SDK1: variants seen among roughly 807,000 people sequenced by gnomAD.
The protein encoded by SDK1 is protein sidekick-1.
A neutral mutation model predicts 245.5 loss-of-function variants in SDK1; 157 were observed. That is an observed-to-expected ratio of 0.64 (90% CI 0.56 to 0.73). The LOEUF (loss-of-function observed/expected upper bound fraction) is 0.73, where lower values mean the gene tolerates loss of function less well. Among genes scored for constraint, SDK1 ranks in the 30% least tolerant of loss-of-function variants. The pLI is 0.00. For missense variants in SDK1, 3,583 were observed against 3,002.3 expected (o/e 1.19, Z -4.52); for synonymous variants, 1,647 against 1,278.5 (o/e 1.29, Z -6.15).
At chr7:3,548,172 C>A (rs1779289071) in intron 1 of SDK1, among the ~76,000 whole-genome samples, 1 of 152,098 alleles carries the variant, frequency 6.6e-6, no homozygotes, top group Non-Finnish European at 1.5e-5. Context: ...ATTAGAGATT[C>A]AAGTATATAT....
intron 5 of SDK1, among the ~76,000 whole-genome samples, chr7:3,890,032 A>G (rs370766109): frequency 1.2e-4 from 19 of 152,234 alleles, no homozygotes; most frequent in African/African-American, 4.6e-4. Flanking sequence ...TATTGGCTCA[A>G]CATTTCCTAA....
At chr7:3,701,804 C>A (rs1333108183) in intron 4 of SDK1, among the ~76,000 whole-genome samples, 1 of 149,838 alleles carries the variant, frequency 6.7e-6, no homozygotes, top group African/African-American at 2.5e-5. Context: ...GAATGGGGAA[C>A]ATAGAAATAG....
intron 6 of SDK1, 27 bp downstream of exon 6, chr7:3,951,061 C>G (rs758258241): frequency 6.8e-7 from 1 of 1,479,338 alleles, no homozygotes; most frequent in Admixed American, 1.7e-5. Context: ...CTGTGAGACT[C>G]CTAGTAAATA....
chr7:4,125,461 GGATGGATGGATCACTGGATGGATTGATT>G (rs1784333249), intron 25 of SDK1, among the ~76,000 whole-genome samples: 1 of 151,068 alleles, frequency 6.6e-6, no homozygotes, highest in Non-Finnish European at 1.5e-5. Flanking sequence ...ATGGATGAAT[GGATGGATGGATCACTGGATGGATTGATT>G]GATGGATGGA....
intron 22 of SDK1, among the ~76,000 whole-genome samples, chr7:4,089,731 A>T (rs139988353): frequency 2.6e-5 from 4 of 152,236 alleles, no homozygotes; most frequent in Non-Finnish European, 4.4e-5. Context: ...GGAATTTCCA[A>T]TTCCCTTGAA....
At chr7:3,753,261 T>C (rs879704176) in intron 4 of SDK1, among the ~76,000 whole-genome samples, 1 of 152,188 alleles carries the variant, frequency 6.6e-6, no homozygotes, top group African/African-American at 2.4e-5. Context: ...TGAACCTTAT[T>C]TTTGAATTTC....
At chr7:3,810,373 A>C (rs1459045124) in intron 4 of SDK1, among the ~76,000 whole-genome samples, 1 of 152,100 alleles carries the variant, frequency 6.6e-6, no homozygotes, top group Non-Finnish European at 1.5e-5. Flanking sequence ...TTAGCAGAAA[A>C]AGTCTTGGCT....
chr7:3,619,490 A>G (rs970977619), intron 2 of SDK1, among the ~76,000 whole-genome samples: 5 of 152,216 alleles, frequency 3.3e-5, no homozygotes, highest in Non-Finnish European at 7.3e-5. Flanking sequence ...CAGTCAACAA[A>G]AACCTATGGT....
rs397945724 is a variant in SDK1 at position 3,431,875 on chromosome 7, T to TA, written c.298+129994dup. On this transcript the variant is annotated intron_variant, in intron 1 of 44. Coordinates refer to ENST00000404826, the MANE Select transcript of SDK1 (RefSeq NM_152744.4). The stretch of plus-strand genomic sequence containing the variant: ...CATAAATCAGGAGTGATTTTTTTTT[T>TA]AAATGGCTGAAGCCTGCGGTTTATA... Among the ~76,000 whole-genome samples, 5 of 152,026 alleles carry TA rather than the reference T, an allele frequency of 3.3e-5. No homozygotes were observed. The South Asian group carries it at 8.3e-4, about 25-fold the overall frequency.
At chr7:3,943,749 A>C (rs1780466317) in intron 5 of SDK1, among the ~76,000 whole-genome samples, 1 of 151,888 alleles carries the variant, frequency 6.6e-6, no homozygotes, top group African/African-American at 2.4e-5. Flanking sequence ...ATATTCTTTA[A>C]ATGTACTTTT....
intron 1 of SDK1, among the ~76,000 whole-genome samples, chr7:3,378,284 C>T (rs1781402314): frequency 6.6e-6 from 1 of 152,146 alleles, no homozygotes; most frequent in African/African-American, 2.4e-5. Context: ...ATATGGTCTG[C>T]TGATGGCACT....
chr7:3,828,044 A>G (rs1196279942), intron 5 of SDK1, among the ~76,000 whole-genome samples: 3 of 152,268 alleles, frequency 2.0e-5, no homozygotes, highest in South Asian at 2.1e-4. Flanking sequence ...TTGGGAGGCC[A>G]AGGTGGGCGG....
chr7:3,962,216 C>G (rs1161224969), intron 8 of SDK1, among the ~76,000 whole-genome samples: 1 of 152,246 alleles, frequency 6.6e-6, no homozygotes, highest in African/African-American at 2.4e-5. Context: ...CAAGGTGACA[C>G]TGTCCGCGAG....
chr7:4,225,288 T>C (rs13240660), intron 40 of SDK1, among the ~76,000 whole-genome samples: 25,542 of 152,136 alleles, frequency 0.17, 2,641 homozygotes, highest in Non-Finnish European at 0.22. Context: ...CTTGGGACTC[T>C]TCAACTACCT....
Position 4,158,462 on chromosome 7 carries a change from C to T in SDK1, c.4640C>T (p.Thr1547Ile), listed in dbSNP as rs902993950. 5.6e-6 allele frequency: 9 copies of T among 1,613,402 alleles called. No homozygotes were observed. The highest frequency in any genetic ancestry group is 5.0e-5 in the Admixed American group (3 of 60,008). The change falls in exon 31 of 45, where the codon ACC becomes ATC. Residue 1547 changes from threonine (T) to isoleucine (I), a missense_variant. Thr to Ile is a moderately conservative substitution (Grantham distance 89). Coordinates refer to ENST00000404826, the MANE Select transcript of SDK1 (RefSeq NM_152744.4). ...ACVVDRLRPFTSYKLRLKATN... is the reference protein window; with the variant it reads ...ACVVDRLRPFISYKLRLKATN... Reference sequence around the variant, plus strand: ...CCACATTGCAGACTGAGGCCCTTCACCTCCTACAAGCTGCGCCTGAAAGCC... The same window carrying T: ...CCACATTGCAGACTGAGGCCCTTCATCTCCTACAAGCTGCGCCTGAAAGCC...
intron 13 of SDK1, among the ~76,000 whole-genome samples, chr7:3,984,334 C>A (rs1783651915): frequency 6.6e-6 from 1 of 152,144 alleles, no homozygotes; most frequent in African/African-American, 2.4e-5. Flanking sequence ...AAAGGCAGTC[C>A]ACCCACCTGG....
chr7:3,374,375 TTTTTCTACAATTGA>T (rs1781302812), intron 1 of SDK1, among the ~76,000 whole-genome samples: 1 of 152,166 alleles, frequency 6.6e-6, no homozygotes, highest in South Asian at 2.1e-4. Flanking sequence ...ACAAAATATT[TTTTTCTACAATTGA>T]TTTTCTTCAC....
chr7:3,390,263 A>T (rs1781715221), intron 1 of SDK1, among the ~76,000 whole-genome samples: 1 of 152,212 alleles, frequency 6.6e-6, no homozygotes, highest in South Asian at 2.1e-4. Flanking sequence ...TACTTTGAAT[A>T]GCAGGGTTGT....
At chr7:4,079,357 TAGAA>T in intron 21 of SDK1, 102 bp from the exon 22 acceptor site, 7 of 1,349,188 alleles carry the variant, frequency 5.2e-6, no homozygotes, top group Admixed American at 3.7e-5. Flanking sequence ...TTTTTTGGTA[TAGAA>T]TCGTTTTGAA....
Sources: gnomAD v4.1 joint callset for allele counts (sites outside exome capture counted in the v4.1 genomes callset) on GRCh38, gnomAD v4.1.1 for gene constraint, MANE v1.5 for transcripts, NCBI Gene and HGNC (gene_info 2026-07-23, HGNC 2026-07-21) for gene names.